The following PRKAR2B variants were observed in gnomAD, a reference collection of about 807,000 sequenced individuals.
PRKAR2B encodes cAMP-dependent protein kinase type II-beta regulatory subunit.
A neutral mutation model predicts 49.9 loss-of-function variants in PRKAR2B; 14 were observed. The ratio of observed to expected loss-of-function variants is 0.28; its 90% CI spans 0.19 to 0.44. The LOEUF is 0.44. Among genes scored for constraint, PRKAR2B ranks in the 20% least tolerant of loss-of-function variants. The pLI is 1.00. For synonymous variants in PRKAR2B, 196 were observed against 197.7 expected, an observed-to-expected ratio of 0.99 and a Z score of 0.07; for missense variants, 393 against 537.9, an observed-to-expected ratio of 0.73 and a Z score of 2.67.
At chr7:107,156,775 C>T (rs1398011938) in intron 8 of PRKAR2B, among the ~76,000 whole-genome samples, 1 of 151,116 alleles carries the variant, frequency 6.6e-6, no homozygotes, top group Non-Finnish European at 1.5e-5. Flanking sequence ...CACTGCATTC[C>T]AGTCTGGGCA....
At chr7:107,159,342 A>C (rs1796154318) in intron 10 of PRKAR2B, 107 bp from the exon 11 acceptor site, 2 of 1,103,870 alleles carry the variant, frequency 1.8e-6, no homozygotes, top group African/African-American at 1.6e-5. Context: ...ATTTACCTAA[A>C]ATATCATTGC....
Position 107,045,081 on chromosome 7 carries a change from G to T in PRKAR2B, c.174G>T (p.Trp58Cys). The change falls in exon 1 of 11, where the codon TGG becomes TGT. Residue 58 changes from tryptophan (W) to cysteine (C), a missense_variant. By Grantham distance (215) the Trp-to-Cys change is radical. Around this residue, in one of 2 missense-constraint regions of PRKAR2B, gnomAD observed 160 missense variants for 147.6 expected, o/e 1.08. Coordinates refer to ENST00000265717, the MANE Select transcript of PRKAR2B (RefSeq NM_002736.3). ...GCTTCGGCCATGAGGGCAGGACCTGGGGGGACCTGGGCGCCGCTGCCGGGG... is the reference window on the plus strand; with the variant it reads ...GCTTCGGCCATGAGGGCAGGACCTGTGGGGACCTGGGCGCCGCTGCCGGGG... ...TARFGHEGRT[W>C]GDLGAAAGGG... 6.5e-7 allele frequency: 1 copy of T among 1,536,040 alleles called. No individual in the cohort carries two copies. The highest frequency in any genetic ancestry group is 8.7e-7 in the Non-Finnish European group (1 of 1,144,790).
At chr7:107,092,139 G>C (rs1794741926) in intron 2 of PRKAR2B, among the ~76,000 whole-genome samples, 1 of 152,030 alleles carries the variant, frequency 6.6e-6, no homozygotes, top group South Asian at 2.1e-4. Flanking sequence ...GGAAGAAGAG[G>C]CCCTAAATAT....
chr7:107,117,928 C>T (rs1370532938), intron 2 of PRKAR2B, among the ~76,000 whole-genome samples: 1 of 152,172 alleles, frequency 6.6e-6, no homozygotes, highest in African/African-American at 2.4e-5. Context: ...GTAGTATATA[C>T]ATATATGCAC....
At chr7:107,140,268 G>A (rs1584449079) in intron 4 of PRKAR2B, among the ~76,000 whole-genome samples, 1 of 152,228 alleles carries the variant, frequency 6.6e-6, no homozygotes, top group African/African-American at 2.4e-5. Context: ...CTCAGTGGAT[G>A]CAGCTTGAAG....
chr7:107,133,050 A>G (rs565646255), intron 4 of PRKAR2B, among the ~76,000 whole-genome samples: 58 of 152,170 alleles, frequency 3.8e-4, no homozygotes, highest in Non-Finnish European at 7.6e-4. Context: ...GTTATTTCTT[A>G]AGTGAGTCAG....
intron 2 of PRKAR2B, among the ~76,000 whole-genome samples, chr7:107,070,951 A>T (rs188901452): frequency 1.3e-5 from 2 of 152,226 alleles, no homozygotes; most frequent in Non-Finnish European, 2.9e-5. Flanking sequence ...ACAAGGGCGT[A>T]CGTTAACTTC....
At chr7:107,110,699 C>T (rs1584434018) in intron 2 of PRKAR2B, among the ~76,000 whole-genome samples, 2 of 152,026 alleles carry the variant, frequency 1.3e-5, no homozygotes, top group East Asian at 3.9e-4. Flanking sequence ...AAGGGAAGGA[C>T]CCAGTACTGG....
chr7:107,121,031 T>A (rs545356753), intron 2 of PRKAR2B, among the ~76,000 whole-genome samples: 78 of 151,044 alleles, frequency 5.2e-4, no homozygotes, highest in East Asian at 4.8e-3. Context: ...AATAATTTTT[T>A]AAAAAATTTT....
At chr7:107,126,148 C>G (rs1795481272) in intron 3 of PRKAR2B, among the ~76,000 whole-genome samples, 1 of 143,294 alleles carries the variant, frequency 7.0e-6, no homozygotes, top group Non-Finnish European at 1.5e-5. Flanking sequence ...AATCCCAGTA[C>G]TTTGGGAGGC....
At chr7:107,156,807 A>G (rs544109456) in intron 8 of PRKAR2B, among the ~76,000 whole-genome samples, 177 bp from the exon 9 acceptor site, 1 of 148,340 alleles carries the variant, frequency 6.7e-6, no homozygotes, top group East Asian at 1.9e-4. Flanking sequence ...CTCCGTCTCA[A>G]AAAAAAAAAA....
At chr7:107,063,195 G>GT (rs1310065726) in intron 1 of PRKAR2B, among the ~76,000 whole-genome samples, 1 of 152,106 alleles carries the variant, frequency 6.6e-6, no homozygotes. Context: ...ATAGAGACGG[G>GT]TTTTACCATG....
At chr7:107,158,086 T>C (rs533855769) in intron 10 of PRKAR2B, among the ~76,000 whole-genome samples, 1 of 152,306 alleles carries the variant, frequency 6.6e-6, no homozygotes, top group East Asian at 1.9e-4. Context: ...AAGTATAATA[T>C]TAATCAAGTG....
chr7:107,080,609 G>A (rs535327193), intron 2 of PRKAR2B, among the ~76,000 whole-genome samples: 4 of 152,274 alleles, frequency 2.6e-5, no homozygotes, highest in South Asian at 2.1e-4. Flanking sequence ...GGGTGACAGA[G>A]CAAAGAGGAC....
At chr7:107,132,864 C>T (rs1179911178) in intron 4 of PRKAR2B, among the ~76,000 whole-genome samples, 1 of 152,144 alleles carries the variant, frequency 6.6e-6, no homozygotes, top group African/African-American at 2.4e-5. Flanking sequence ...GCTGTATATT[C>T]ATATGTTGAG....
At chr7:107,075,557 G>A (rs780765483) in intron 2 of PRKAR2B, among the ~76,000 whole-genome samples, 12 of 152,052 alleles carry the variant, frequency 7.9e-5, no homozygotes, top group Non-Finnish European at 1.6e-4. Flanking sequence ...GCACCACAAT[G>A]CCTAGCTAAT....
At chr7:107,114,972 A>T (rs1795244668) in intron 2 of PRKAR2B, among the ~76,000 whole-genome samples, 1 of 152,174 alleles carries the variant, frequency 6.6e-6, no homozygotes, top group African/African-American at 2.4e-5. Context: ...GCTTATAATG[A>T]ATCATGGCAA....
chr7:107,144,080 A>ATTTG, intron 5 of PRKAR2B, among the ~76,000 whole-genome samples: 1 of 150,266 alleles, frequency 6.7e-6, no homozygotes, highest in Non-Finnish European at 1.5e-5. Flanking sequence ...TTATTTATTT[A>ATTTG]TTTATTTATT....
At chr7:107,047,373 T>C (rs192219881) in intron 1 of PRKAR2B, among the ~76,000 whole-genome samples, 34 of 152,252 alleles carry the variant, frequency 2.2e-4, no homozygotes, top group Non-Finnish European at 1.6e-4. Flanking sequence ...CAAGGTTTCT[T>C]GTAAAGGGCC....
Sources: gnomAD v4.1 joint callset for allele counts (sites outside exome capture counted in the v4.1 genomes callset) on GRCh38, gnomAD v4.1.1 for gene constraint, gnomAD v4.1.1 regional missense constraint, MANE v1.5 for transcripts, NCBI Gene and HGNC (gene_info 2026-07-23, HGNC 2026-07-21) for gene names.